KCNIP4: variants seen among roughly 807,000 people sequenced by gnomAD.
KCNIP4 encodes Kv channel-interacting protein 4.
Under a neutral mutation model 34.0 loss-of-function variants are expected in KCNIP4, and 12 were observed. That is an observed-to-expected ratio of 0.35 (90% CI 0.23 to 0.57). The LOEUF (loss-of-function observed/expected upper bound fraction) is 0.57, where lower values mean the gene tolerates loss of function less well. Ranked by LOEUF, KCNIP4 falls within the 20% of genes least tolerant of loss-of-function variation. The probability of loss-of-function intolerance (pLI) is 0.83; values close to 1 mark genes in which losing one functional copy is unlikely to be tolerated. For synonymous variants in KCNIP4, 124 were observed against 102.2 expected (o/e 1.21, Z -1.29); for missense variants, 238 against 311.7 (o/e 0.76, Z 1.78).
intron 1 of KCNIP4, among the ~76,000 whole-genome samples, chr4:20,897,746 G>A (rs1161856267): frequency 1.3e-5 from 2 of 152,134 alleles, no homozygotes; most frequent in Admixed American, 6.6e-5. Flanking sequence ...AAGGAGAGAG[G>A]CCTCAGAAGG....
intron 1 of KCNIP4, among the ~76,000 whole-genome samples, chr4:21,895,847 A>G (rs1158410333): frequency 6.6e-6 from 1 of 152,150 alleles, no homozygotes; most frequent in African/African-American, 2.4e-5. Context: ...ACAACATCCA[A>G]TAAGACTCAG....
At chr4:21,650,622 T>G (rs572322317) in intron 1 of KCNIP4, among the ~76,000 whole-genome samples, 33 of 152,262 alleles carry the variant, frequency 2.2e-4, no homozygotes, top group African/African-American at 7.7e-4. Flanking sequence ...AGTAATAAAA[T>G]AGAGAGCCAA....
At chr4:21,258,503 G>A (rs529127205) in intron 1 of KCNIP4, among the ~76,000 whole-genome samples, 1 of 152,206 alleles carries the variant, frequency 6.6e-6, no homozygotes, top group South Asian at 2.1e-4. Context: ...ATTTTATGAG[G>A]GAGGCAGATT....
intron 1 of KCNIP4, among the ~76,000 whole-genome samples, chr4:21,528,957 T>A (rs1158673438): frequency 6.6e-6 from 1 of 151,972 alleles, no homozygotes. Flanking sequence ...TGGCATGGCT[T>A]TCGGCCAATG....
intron 1 of KCNIP4, among the ~76,000 whole-genome samples, chr4:21,685,138 T>C (rs1044330952): frequency 6.6e-6 from 1 of 152,242 alleles, no homozygotes; most frequent in African/African-American, 2.4e-5. Context: ...ATGTTCTACC[T>C]AATTTTGAAC....
chr4:21,081,940 C>G (rs1746043692), intron 1 of KCNIP4, among the ~76,000 whole-genome samples: 1 of 151,812 alleles, frequency 6.6e-6, no homozygotes, highest in East Asian at 1.9e-4. Flanking sequence ...CTTCAAAGCT[C>G]TATGTCCAAT....
At chr4:20,771,668 A>T (rs555276100) in intron 3 of KCNIP4, among the ~76,000 whole-genome samples, 4 of 151,344 alleles carry the variant, frequency 2.6e-5, no homozygotes, top group African/African-American at 9.7e-5. Flanking sequence ...GGGTGAATAA[A>T]ACTCACTTTT....
chr4:21,649,491 T>C (rs1747306060), intron 1 of KCNIP4, among the ~76,000 whole-genome samples: 1 of 152,092 alleles, frequency 6.6e-6, no homozygotes, highest in Admixed American at 6.5e-5. Flanking sequence ...CTCTCTTGGG[T>C]GGTAAAGGGA....
At chr4:20,904,708 C>T (rs1727541808) in intron 1 of KCNIP4, among the ~76,000 whole-genome samples, 1 of 151,988 alleles carries the variant, frequency 6.6e-6, no homozygotes, top group Non-Finnish European at 1.5e-5. Context: ...AGAAAATGTT[C>T]AACTAATAAT....
intron 1 of KCNIP4, among the ~76,000 whole-genome samples, chr4:21,913,570 G>A (rs982208679): frequency 1.3e-5 from 2 of 152,172 alleles, no homozygotes; most frequent in East Asian, 3.9e-4. Context: ...CAGATATTTT[G>A]TTATAGCCAC....
intron 3 of KCNIP4, among the ~76,000 whole-genome samples, chr4:20,825,327 C>T (rs1011639672): frequency 1.4e-5 from 2 of 141,550 alleles, no homozygotes; most frequent in Non-Finnish European, 3.0e-5. Flanking sequence ...TTCCTAACTA[C>T]TTCATAAGAG....
intron 1 of KCNIP4, among the ~76,000 whole-genome samples, chr4:21,859,732 T>C (rs1724961772): frequency 6.6e-6 from 1 of 152,128 alleles, no homozygotes; most frequent in Non-Finnish European, 1.5e-5. Context: ...TGAATGGAGT[T>C]TAAAAAATTG....
chr4:21,207,771 G>T, intron 1 of KCNIP4, among the ~76,000 whole-genome samples: 1 of 146,340 alleles, frequency 6.8e-6, no homozygotes, highest in African/African-American at 2.5e-5. Context: ...ATTTTAATCA[G>T]TTATTTCCAC....
At chr4:21,448,218 C>A (rs1030557408) in intron 1 of KCNIP4, among the ~76,000 whole-genome samples, 1 of 151,966 alleles carries the variant, frequency 6.6e-6, no homozygotes, top group Non-Finnish European at 1.5e-5. Flanking sequence ...AGGATTCTGC[C>A]AGTAAGGGAT....
intron 2 of KCNIP4, among the ~76,000 whole-genome samples, chr4:20,851,983 C>A (rs537922837): frequency 6.5e-4 from 99 of 152,176 alleles, no homozygotes; most frequent in Non-Finnish European, 1.1e-3. Flanking sequence ...CCACTGCAGT[C>A]CAGTTTGGGT....
At chr4:20,898,134 C>T (rs779988224) in intron 1 of KCNIP4, among the ~76,000 whole-genome samples, 3 of 152,124 alleles carry the variant, frequency 2.0e-5, no homozygotes, top group Non-Finnish European at 2.9e-5. Flanking sequence ...CCTTGGGCAT[C>T]CTGGTTCTCA....
At chr4:21,648,008 G>A (rs1179917944) in intron 1 of KCNIP4, among the ~76,000 whole-genome samples, 1 of 151,076 alleles carries the variant, frequency 6.6e-6, no homozygotes, top group African/African-American at 2.4e-5. Flanking sequence ...CTAGTAGCTG[G>A]GACTACAGAC....
intron 5 of KCNIP4, among the ~76,000 whole-genome samples, chr4:20,740,292 A>G (rs1167389477): frequency 6.6e-6 from 1 of 152,168 alleles, no homozygotes; most frequent in Non-Finnish European, 1.5e-5. Context: ...CAGATTCACC[A>G]AAGTTGAAAT....
chr4:20,950,462 C>T (rs950650205), intron 1 of KCNIP4, among the ~76,000 whole-genome samples: 7 of 152,064 alleles, frequency 4.6e-5, no homozygotes, highest in Non-Finnish European at 8.8e-5. Context: ...TGCTTTTAAT[C>T]CCTGTTGCTG....
Sources: gnomAD v4.1 joint callset for allele counts (sites outside exome capture counted in the v4.1 genomes callset) on GRCh38, gnomAD v4.1.1 for gene constraint, MANE v1.5 for transcripts, NCBI Gene and HGNC (gene_info 2026-07-23, HGNC 2026-07-21) for gene names.